The following ITPR1 variants were observed in gnomAD, a reference collection of about 807,000 sequenced individuals.
The protein encoded by ITPR1 is inositol 1,4,5-trisphosphate receptor type 1.
In ITPR1, 96 loss-of-function variants were observed where a neutral mutation model predicts 318.4. The observed-to-expected ratio is 0.30, with a 90% confidence interval of 0.26 to 0.36. The LOEUF is 0.36. ITPR1 is among the 10% of genes least tolerant of loss of function. The probability of loss-of-function intolerance (pLI) is 1.00; values close to 1 mark genes in which losing one functional copy is unlikely to be tolerated. For missense variants in ITPR1, 2,440 were observed against 3,460.2 expected, an observed-to-expected ratio of 0.71 and a Z score of 7.40; for synonymous variants, 1,312 against 1,289.9, an observed-to-expected ratio of 1.02 and a Z score of -0.37.
intron 51 of ITPR1, among the ~76,000 whole-genome samples, chr3:4,785,632 T>C (rs974551320): frequency 5.3e-5 from 8 of 152,216 alleles, no homozygotes; most frequent in African/African-American, 1.9e-4. Context: ...TCTAGAGCCC[T>C]TAAAAGGCGA....
chr3:4,511,154 C>T (rs909027440), intron 2 of ITPR1, among the ~76,000 whole-genome samples: 3 of 152,098 alleles, frequency 2.0e-5, no homozygotes, highest in Non-Finnish European at 4.4e-5. Context: ...GCAGAGTGGA[C>T]GAGAAGACCA....
chr3:4,779,004 G>A lies in ITPR1; in HGVS notation c.6292-546G>A, dbSNP rs548394454. ...AATTAGGGCTTGGCCTGCATACATT[G>A]TTCCTTTGGGTCACATTTGTTAACT... is the stretch of plus-strand genomic sequence containing the variant. On this transcript the variant is annotated intron_variant, in intron 48 of 61. Coordinates refer to ENST00000649015, the MANE Select transcript of ITPR1 (RefSeq NM_001378452.1). This position sits in a 1 kb window ranked among gnomAD's most constrained non-coding sequence, Gnocchi z 4.0. 6.6e-6 allele frequency among the ~76,000 whole-genome samples: 1 copy of A among 152,360 alleles called. No homozygotes were observed. Among genetic ancestry groups the A allele is most frequent in the East Asian group, 1.9e-4 (1 of 5,194 alleles).
intron 32 of ITPR1, among the ~76,000 whole-genome samples, chr3:4,692,498 G>A (rs866441992): frequency 3.3e-5 from 5 of 152,206 alleles, no homozygotes; most frequent in Non-Finnish European, 7.3e-5. Context: ...TAGGAAGTTT[G>A]TCTAAAGAGT....
intron 4 of ITPR1, among the ~76,000 whole-genome samples, chr3:4,578,570 T>C (rs1183602771): frequency 6.6e-6 from 1 of 152,140 alleles, no homozygotes; most frequent in Non-Finnish European, 1.5e-5. Context: ...CAGAAGGGGC[T>C]TTAGTGCTTA....
rs758486244 is a variant in ITPR1 at position 4,768,645 on chromosome 3, A to G, written c.5860A>G (p.Thr1954Ala). Residue 1954 changes from threonine to alanine, a missense_variant, in exon 46 of 62, where the codon ACC becomes GCC. Transcript: ENST00000649015. ...CGACCACTACCAGCCTGGAGAGGGC[A>G]CCCAGGCCACTGCCGACAAGGCCAA... The part of the protein sequence containing the change: ...PDDHYQPGEG[T>A]QATADKAKDD... 2.5e-6 allele frequency: 4 copies of G among 1,613,970 alleles called. No homozygotes were observed. The East Asian group carries it at 8.9e-5, about 36-fold the overall frequency.
At chr3:4,685,264 C>T in intron 30 of ITPR1, 58 bp downstream of exon 30, 11 of 1,492,524 alleles carry the variant, frequency 7.4e-6, no homozygotes, top group Non-Finnish European at 9.8e-6. Context: ...CCCTGGGTTT[C>T]CCCAAACTCT....
chr3:4,584,919 A>C (rs1267846146), intron 4 of ITPR1, among the ~76,000 whole-genome samples: 2 of 152,184 alleles, frequency 1.3e-5, no homozygotes, highest in Admixed American at 1.3e-4. Context: ...CTAGAAATCG[A>C]CTGGGTGGAG....
chr3:4,547,960 G>A (rs2085189416), intron 4 of ITPR1, among the ~76,000 whole-genome samples: 1 of 152,034 alleles, frequency 6.6e-6, no homozygotes, highest in Admixed American at 6.6e-5. Context: ...CTACAGGATT[G>A]GCTCAGTCTA....
At chr3:4,642,311 T>C in intron 7 of ITPR1, 60 bp downstream of exon 7, 1 of 1,328,706 alleles carries the variant, frequency 7.5e-7, no homozygotes, top group Non-Finnish European at 9.9e-7. Flanking sequence ...CATGACTGTA[T>C]ATTAGAGTTA....
In ITPR1 at chr3:4,641,256, G is replaced by C. The variant is rs558905640; in HGVS notation, c.367-837G>C. On this transcript the variant is annotated intron_variant, in intron 6 of 61. Transcript: ENST00000649015. ...TATCAGACACGTTATATCCCCTCTA[G>C]GTCTTCAGTCTTTCCATATTCCTCA... Among the ~76,000 whole-genome samples, 3 of 152,220 alleles carry C rather than the reference G, an allele frequency of 2.0e-5. No individual in the cohort carries two copies. In the East Asian group the frequency reaches 5.8e-4, roughly 29 times the overall value.
intron 18 of ITPR1, among the ~76,000 whole-genome samples, chr3:4,669,400 T>C (rs926300450): frequency 6.6e-6 from 1 of 152,182 alleles, no homozygotes; most frequent in African/African-American, 2.4e-5. Flanking sequence ...CTTGTCTTGT[T>C]CCTTCTTCTC....
chr3:4,543,383 G>A (rs942308503), intron 4 of ITPR1, among the ~76,000 whole-genome samples: 1 of 152,164 alleles, frequency 6.6e-6, no homozygotes, highest in African/African-American at 2.4e-5. Flanking sequence ...GATTACCTGT[G>A]TTAACATGGA....
intron 4 of ITPR1, among the ~76,000 whole-genome samples, chr3:4,594,772 G>T (rs1280067317): frequency 6.6e-6 from 1 of 152,072 alleles, no homozygotes; most frequent in African/African-American, 2.4e-5. Flanking sequence ...ATGTGTGGCA[G>T]GAGTGTTTTA....
chr3:4,504,756 T>G (rs1260913228), intron 2 of ITPR1, among the ~76,000 whole-genome samples: 2 of 152,176 alleles, frequency 1.3e-5, no homozygotes, highest in East Asian at 3.9e-4. Context: ...GAGACTGTTG[T>G]AAAGGGAGCC....
At chr3:4,668,762 G>C (rs1401471598) in intron 18 of ITPR1, among the ~76,000 whole-genome samples, 1 of 152,116 alleles carries the variant, frequency 6.6e-6, no homozygotes, top group Non-Finnish European at 1.5e-5. Flanking sequence ...CACCGCGCTC[G>C]GCCTCATTCA....
chr3:4,604,592 C>T (rs2091557233), intron 4 of ITPR1, among the ~76,000 whole-genome samples: 1 of 152,012 alleles, frequency 6.6e-6, no homozygotes, highest in African/African-American at 2.4e-5. Flanking sequence ...CATCAGTTTG[C>T]CTGAGAAAGG....
At chr3:4,767,899 T>C (rs533456342) in intron 45 of ITPR1, among the ~76,000 whole-genome samples, 95 of 152,248 alleles carry the variant, frequency 6.2e-4, no homozygotes, top group African/African-American at 2.3e-3. Context: ...ATTTTACAGA[T>C]GAGGGGACTG....
At chr3:4,816,930 A>T (rs1348005025) in intron 59 of ITPR1, among the ~76,000 whole-genome samples, 3 of 152,162 alleles carry the variant, frequency 2.0e-5, no homozygotes, top group Non-Finnish European at 4.4e-5. Context: ...ATTGTAAGAA[A>T]GAATTTTTTC....
chr3:4,820,254 C>T lies in ITPR1; in HGVS notation c.8028+2012C>T, dbSNP rs997989862. On this transcript the variant is annotated intron_variant, in intron 60 of 61. Transcript: ENST00000649015. ...ACAGATAATGACCTTCATTTGCATTCGATGTCTTAATGTCTAGAGGAGGCC... is the reference window on the plus strand; with the variant it reads ...ACAGATAATGACCTTCATTTGCATTTGATGTCTTAATGTCTAGAGGAGGCC... Among the ~76,000 whole-genome samples the T allele has an allele frequency of 4.6e-5, 7 of 152,172 alleles. No individual in the cohort carries two copies. The South Asian group carries it at 1.0e-3, about 23-fold the overall frequency.
Sources: allele counts gnomAD v4.1 joint callset (sites outside exome capture counted in the v4.1 genomes callset), GRCh38; gene constraint gnomAD v4.1.1; non-coding constraint Gnocchi (gnomAD v3.1); transcripts MANE v1.5; gene names NCBI Gene and HGNC (gene_info 2026-07-23, HGNC 2026-07-21).